The following STXBP6 variants were observed in gnomAD, a reference collection of about 807,000 sequenced individuals.
STXBP6 encodes syntaxin-binding protein 6.
In STXBP6, 21 loss-of-function variants were observed where a neutral mutation model predicts 26.9. That is an observed-to-expected ratio of 0.78 (90% CI 0.55 to 1.12). The LOEUF is 1.12. Among genes scored for constraint, STXBP6 ranks in the 50% most tolerant of loss-of-function variants. STXBP6 has a pLI of 0.00. For missense variants in STXBP6, 232 were observed against 257.9 expected, an observed-to-expected ratio of 0.90 and a Z score of 0.69; for synonymous variants, 97 against 92.6, an observed-to-expected ratio of 1.05 and a Z score of -0.27.
intron 4 of STXBP6, among the ~76,000 whole-genome samples, chr14:24,829,684 AT>A (rs71121804): frequency 0.32 from 46,448 of 144,086 alleles, 7,784 homozygotes; most frequent in African/African-American, 0.49. Context: ...TCATTGAACT[AT>A]TTTTTTTTTT....
chr14:24,992,239 CTACT>C (rs1356861834), intron 1 of STXBP6, among the ~76,000 whole-genome samples: 1 of 152,168 alleles, frequency 6.6e-6, no homozygotes, highest in Admixed American at 6.5e-5. Context: ...TTTAAAGGTA[CTACT>C]TAGTCCCATA....
At position 24,897,918 on chromosome 14, in the gene STXBP6, T is replaced by TGGTC. The variant is rs925365628; in HGVS notation, c.155-40765_155-40762dup. ...TTAATTATTATCAGTTGTTGCCTCC[T>TGGTC]GGTCCCCTGAGTGTAAATAAACAAA... is the stretch of plus-strand genomic sequence containing the variant. On this transcript the variant is annotated intron_variant, in intron 2 of 5. Transcript: ENST00000323944. Among the ~76,000 whole-genome samples, 43 of 152,340 alleles carry TGGTC rather than the reference T, an allele frequency of 2.8e-4. No individual in the cohort carries two copies. In the East Asian group the frequency reaches 8.1e-3, roughly 29 times the overall value.
At chr14:24,914,995 AT>A (rs2071708841) in intron 2 of STXBP6, among the ~76,000 whole-genome samples, 1 of 152,182 alleles carries the variant, frequency 6.6e-6, no homozygotes, top group Admixed American at 6.6e-5. Context: ...ATCAGAAGTT[AT>A]TTATCAAAAA....
At chr14:24,963,353 C>T (rs570590277) in intron 2 of STXBP6, among the ~76,000 whole-genome samples, 1 of 152,296 alleles carries the variant, frequency 6.6e-6, no homozygotes, top group Admixed American at 6.5e-5. Flanking sequence ...CAGGTATATT[C>T]TTGCTATCTT....
chr14:24,925,832 G>A (rs959754665), intron 2 of STXBP6, among the ~76,000 whole-genome samples: 1 of 152,110 alleles, frequency 6.6e-6, no homozygotes, highest in African/African-American at 2.4e-5. Context: ...CACAAAAATG[G>A]GAAAGGGAGA....
At chr14:24,868,753 A>C (rs1231199671) in intron 2 of STXBP6, among the ~76,000 whole-genome samples, 1 of 152,224 alleles carries the variant, frequency 6.6e-6, no homozygotes, top group Non-Finnish European at 1.5e-5. Context: ...GCAATAGCCC[A>C]GGAGAGAGGC....
chr14:25,044,651 T>G (rs2075698287), intron 1 of STXBP6, among the ~76,000 whole-genome samples: 2 of 152,214 alleles, frequency 1.3e-5, no homozygotes, highest in South Asian at 4.1e-4. Flanking sequence ...GATATTACTC[T>G]GTTGCCCAGG....
At chr14:24,865,274 C>G (rs1001498821) in intron 2 of STXBP6, among the ~76,000 whole-genome samples, 5 of 151,848 alleles carry the variant, frequency 3.3e-5, no homozygotes, top group Non-Finnish European at 7.4e-5. Flanking sequence ...GCATAATGAC[C>G]CCTGAGAGAT....
chr14:24,956,531 T>G (rs1449958341), intron 2 of STXBP6, among the ~76,000 whole-genome samples: 3 of 152,152 alleles, frequency 2.0e-5, no homozygotes, highest in African/African-American at 7.2e-5. Flanking sequence ...TGCAGGGAAT[T>G]CTAGCTTTTC....
chr14:24,912,718 G>A (rs769528848), intron 2 of STXBP6, among the ~76,000 whole-genome samples: 2 of 152,130 alleles, frequency 1.3e-5, no homozygotes, highest in South Asian at 2.1e-4. Flanking sequence ...ATGCTATCTG[G>A]TGCTGTTCTG....
intron 1 of STXBP6, among the ~76,000 whole-genome samples, chr14:25,004,463 T>C (rs895443337): frequency 1.3e-5 from 2 of 152,242 alleles, no homozygotes; most frequent in East Asian, 3.8e-4. Flanking sequence ...AGCATGGGTG[T>C]GTACTGGACC....
chr14:24,862,745 C>G (rs1020200268), intron 2 of STXBP6, among the ~76,000 whole-genome samples: 3 of 152,134 alleles, frequency 2.0e-5, no homozygotes, highest in Non-Finnish European at 4.4e-5. Flanking sequence ...TTGGGTAAGT[C>G]TTTCAGTAGA....
At chr14:24,877,430 T>G (rs854403) in intron 2 of STXBP6, among the ~76,000 whole-genome samples, 102,536 of 151,994 alleles carry the variant, frequency 0.67, 35,380 homozygotes, top group Middle Eastern at 0.77. Flanking sequence ...TACCTTTAGA[T>G]AATTTCTTTA....
At chr14:24,996,026 T>C (rs1271504037) in intron 1 of STXBP6, among the ~76,000 whole-genome samples, 1 of 152,202 alleles carries the variant, frequency 6.6e-6, no homozygotes, top group African/African-American at 2.4e-5. Context: ...ATTTACTATA[T>C]AAATTGTAGA....
At chr14:24,852,727 C>G (rs373912349) in intron 4 of STXBP6, among the ~76,000 whole-genome samples, 1 of 152,082 alleles carries the variant, frequency 6.6e-6, no homozygotes, top group Non-Finnish European at 1.5e-5. Flanking sequence ...TCCATAAAGG[C>G]GGGTTTTCTC....
intron 2 of STXBP6, among the ~76,000 whole-genome samples, chr14:24,894,354 A>G (rs2070900506): frequency 6.6e-6 from 1 of 152,178 alleles, no homozygotes; most frequent in Admixed American, 6.5e-5. Flanking sequence ...GGGGAAAGTG[A>G]TTAGAGGGTG....
chr14:24,929,228 C>T (rs1391026184), intron 2 of STXBP6, among the ~76,000 whole-genome samples: 1 of 152,190 alleles, frequency 6.6e-6, no homozygotes. Context: ...TTCAGATGAA[C>T]CTGTTCTAAA....
At chr14:24,966,182 G>A (rs1048981521) in intron 2 of STXBP6, among the ~76,000 whole-genome samples, 2 of 152,110 alleles carry the variant, frequency 1.3e-5, no homozygotes, top group African/African-American at 4.8e-5. Context: ...GTTTTCCCTT[G>A]TTTCCATCTG....
chr14:25,045,073 G>T (rs938613330), intron 1 of STXBP6, among the ~76,000 whole-genome samples: 2 of 152,194 alleles, frequency 1.3e-5, no homozygotes, highest in African/African-American at 2.4e-5. Context: ...ATATTTTCGG[G>T]ATATACTAGG....
Sources: allele counts gnomAD v4.1 joint callset (sites outside exome capture counted in the v4.1 genomes callset), GRCh38; gene constraint gnomAD v4.1.1; transcripts MANE v1.5; gene names NCBI Gene and HGNC (gene_info 2026-07-23, HGNC 2026-07-21).